Variants in F13A1 observed in about 807,000 individuals in gnomAD.
F13A1 encodes coagulation factor XIII A chain.
Under a neutral mutation model 80.1 loss-of-function variants are expected in F13A1, and 47 were observed. That is an observed-to-expected ratio of 0.59 (90% CI 0.46 to 0.75). F13A1 has a LOEUF of 0.75. Ranked by LOEUF, F13A1 falls within the 30% of genes least tolerant of loss-of-function variation. The pLI, the probability that F13A1 is intolerant of heterozygous loss-of-function variation, is 0.00. For synonymous variants in F13A1, 349 were observed against 344.9 expected, an observed-to-expected ratio of 1.01 and a Z score of -0.13; for missense variants, 817 against 930.4, an observed-to-expected ratio of 0.88 and a Z score of 1.59.
intron 3 of F13A1, among the ~76,000 whole-genome samples, chr6:6,298,596 G>A (rs1228208192): frequency 1.6e-4 from 24 of 149,154 alleles, no homozygotes; most frequent in Admixed American, 1.5e-3. Context: ...TTTTCCATTT[G>A]CTTGGTAGAT....
At chr6:6,252,445 TA>T (rs1185273094) in intron 4 of F13A1, among the ~76,000 whole-genome samples, 3 of 152,170 alleles carry the variant, frequency 2.0e-5, no homozygotes, top group Non-Finnish European at 4.4e-5. Context: ...TGTCTATTTT[TA>T]AAAAGCTACA....
intron 3 of F13A1, among the ~76,000 whole-genome samples, chr6:6,283,008 G>C (rs938785956): frequency 6.6e-6 from 1 of 152,150 alleles, no homozygotes; most frequent in African/African-American, 2.4e-5. Flanking sequence ...CACTCAACCT[G>C]TGCCACCACC....
intron 2 of F13A1, among the ~76,000 whole-genome samples, chr6:6,316,224 C>G (rs1311737285): frequency 2.1e-5 from 3 of 145,800 alleles, no homozygotes; most frequent in African/African-American, 7.6e-5. Context: ...GCATGTAACA[C>G]TTATCTTGTC....
chr6:6,159,144 A>G (rs929464087), intron 13 of F13A1, among the ~76,000 whole-genome samples: 4 of 151,794 alleles, frequency 2.6e-5, no homozygotes, highest in Non-Finnish European at 5.9e-5. Flanking sequence ...CTCGTGATCC[A>G]CCCACCTCGG....
intron 3 of F13A1, among the ~76,000 whole-genome samples, chr6:6,302,071 C>CATCT (rs1758440911): frequency 6.6e-6 from 1 of 152,214 alleles, no homozygotes. Flanking sequence ...CTAAGACATT[C>CATCT]ATCTTACCAG....
intron 3 of F13A1, among the ~76,000 whole-genome samples, chr6:6,304,289 T>C (rs1201116373): frequency 6.6e-6 from 1 of 152,170 alleles, no homozygotes; most frequent in Non-Finnish European, 1.5e-5. Flanking sequence ...CATGTACCTT[T>C]CTGTGACTGC....
chr6:6,158,559 G>GGGGA (rs1403137667), intron 13 of F13A1, among the ~76,000 whole-genome samples: 1 of 152,182 alleles, frequency 6.6e-6, no homozygotes, highest in East Asian at 1.9e-4. Context: ...GAGCCACAAA[G>GGGGA]GGGAGAGGTG....
intron 11 of F13A1, among the ~76,000 whole-genome samples, 167 bp from the exon 12 acceptor site, chr6:6,175,034 CAA>C (rs1163489989): frequency 6.6e-6 from 1 of 152,124 alleles, no homozygotes; most frequent in African/African-American, 2.4e-5. Context: ...ATAAATTCTG[CAA>C]AGTCAGATTG....
At chr6:6,179,645 C>T (rs1445691157) in intron 11 of F13A1, among the ~76,000 whole-genome samples, 1 of 152,162 alleles carries the variant, frequency 6.6e-6, no homozygotes. Flanking sequence ...TCCAAAGTTC[C>T]AGTTTGAAAT....
chr6:6,190,965 T>C (rs7763184), intron 10 of F13A1, among the ~76,000 whole-genome samples: 98,105 of 149,408 alleles, frequency 0.66, 32,862 homozygotes, highest in African/African-American at 0.82. Flanking sequence ...GCGCAGTATT[T>C]GGGTGTGAGT....
chr6:6,182,597 G>C (rs1039274211), intron 10 of F13A1, among the ~76,000 whole-genome samples: 1 of 152,180 alleles, frequency 6.6e-6, no homozygotes, highest in African/African-American at 2.4e-5. Flanking sequence ...GTACATGGAT[G>C]AGTTTGTCCT....
chr6:6,190,834 C>G (rs1325672523), intron 10 of F13A1, among the ~76,000 whole-genome samples: 4 of 152,088 alleles, frequency 2.6e-5, no homozygotes, highest in African/African-American at 9.7e-5. Flanking sequence ...TCGCTGCCGC[C>G]TTGCAGTTTG....
intron 4 of F13A1, among the ~76,000 whole-genome samples, chr6:6,255,812 C>G (rs191850283): frequency 6.6e-6 from 1 of 151,774 alleles, no homozygotes; most frequent in African/African-American, 2.4e-5. Flanking sequence ...TGGGAAGGCT[C>G]GATTTTAATT....
chr6:6,187,153 A>G (rs1403589931), intron 10 of F13A1, among the ~76,000 whole-genome samples: 1 of 124,572 alleles, frequency 8.0e-6, no homozygotes, highest in Non-Finnish European at 1.7e-5. Context: ...CTAGATATAC[A>G]ATCATGTCAT....
At chr6:6,218,750 C>T (rs144333521) in intron 8 of F13A1, among the ~76,000 whole-genome samples, 1 of 152,168 alleles carries the variant, frequency 6.6e-6, no homozygotes, top group Non-Finnish European at 1.5e-5. Flanking sequence ...CGGTGGCAAA[C>T]CAGGAAGCAG....
chr6:6,222,979 C>G (rs570343267), intron 7 of F13A1, among the ~76,000 whole-genome samples: 1 of 152,302 alleles, frequency 6.6e-6, no homozygotes, highest in South Asian at 2.1e-4. Context: ...GCCTCCCGTT[C>G]CCATTTTCCT....
intron 8 of F13A1, among the ~76,000 whole-genome samples, chr6:6,204,283 C>T (rs1761449066): frequency 6.6e-6 from 1 of 152,168 alleles, no homozygotes; most frequent in South Asian, 2.1e-4. Flanking sequence ...GAGATATGGG[C>T]TTGTAATTTT....
chr6:6,268,244 A>C (rs1303595406), intron 3 of F13A1, among the ~76,000 whole-genome samples: 1 of 152,244 alleles, frequency 6.6e-6, no homozygotes, highest in Non-Finnish European at 1.5e-5. Flanking sequence ...GATATTCCAC[A>C]GAAAAAGCCA....
intron 10 of F13A1, among the ~76,000 whole-genome samples, chr6:6,192,946 C>T (rs536602951): frequency 5.5e-4 from 83 of 152,212 alleles, no homozygotes; most frequent in African/African-American, 1.9e-3. Flanking sequence ...CTGAGGGCTT[C>T]GTGAACATGG....
Sources: allele counts gnomAD v4.1 joint callset (sites outside exome capture counted in the v4.1 genomes callset), GRCh38; gene constraint gnomAD v4.1.1; transcripts MANE v1.5; gene names NCBI Gene and HGNC (gene_info 2026-07-23, HGNC 2026-07-21).